The following MAPRE2 variants were observed in gnomAD, a reference collection of about 807,000 sequenced individuals.
MAPRE2 encodes microtubule-associated protein RP/EB family member 2.
Under a neutral mutation model 43.2 loss-of-function variants are expected in MAPRE2, and 13 were observed. The ratio of observed to expected loss-of-function variants is 0.30; its 90% CI spans 0.20 to 0.48. The LOEUF is 0.48. Ranked by LOEUF, MAPRE2 falls within the 20% of genes least tolerant of loss-of-function variation. The probability of loss-of-function intolerance (pLI) is 0.99; values close to 1 mark genes in which losing one functional copy is unlikely to be tolerated. For missense variants in MAPRE2, 161 were observed against 400.2 expected, an observed-to-expected ratio of 0.40 and a Z score of 5.10; for synonymous variants, 135 against 148.8, an observed-to-expected ratio of 0.91 and a Z score of 0.68.
intron 1 of MAPRE2, among the ~76,000 whole-genome samples, chr18:34,987,914 A>G (rs1166506254): frequency 6.6e-6 from 1 of 152,190 alleles, no homozygotes; most frequent in African/African-American, 2.4e-5. Context: ...AAGTGTTGGG[A>G]TTACAGGCAT....
chr18:35,022,168 T>C (rs1485139711), intron 2 of MAPRE2, among the ~76,000 whole-genome samples: 4 of 152,112 alleles, frequency 2.6e-5, no homozygotes, highest in African/African-American at 9.7e-5. Context: ...AAATAATTTC[T>C]AGATGAACTC....
intron 4 of MAPRE2, among the ~76,000 whole-genome samples, chr18:35,118,252 A>G (rs1909499731): frequency 6.6e-6 from 1 of 152,054 alleles, no homozygotes; most frequent in African/African-American, 2.4e-5. Flanking sequence ...CCTCACTCGT[A>G]TGCTCTCCCA....
intron 3 of MAPRE2, among the ~76,000 whole-genome samples, chr18:35,101,020 C>G (rs1056936441): frequency 6.6e-6 from 1 of 152,174 alleles, no homozygotes; most frequent in Admixed American, 6.5e-5. Flanking sequence ...TCCTGGGCGA[C>G]AAGAGTGAAA....
chr18:35,085,784 C>T (rs1409792830), intron 2 of MAPRE2, among the ~76,000 whole-genome samples: 1 of 152,194 alleles, frequency 6.6e-6, no homozygotes, highest in African/African-American at 2.4e-5. Flanking sequence ...CAGTCCAACA[C>T]TGACGTTTTG....
intron 4 of MAPRE2, among the ~76,000 whole-genome samples, chr18:35,104,184 G>A (rs879715539): frequency 3.3e-5 from 5 of 152,160 alleles, no homozygotes; most frequent in Admixed American, 3.3e-4. Flanking sequence ...GATGAAGCCT[G>A]AAAAATAGGC....
chr18:35,039,740 T>C (rs1196823267), upstream of MAPRE2, among the ~76,000 whole-genome samples: 1 of 152,252 alleles, frequency 6.6e-6, no homozygotes, highest in Non-Finnish European at 1.5e-5. Context: ...GTTTACTTGT[T>C]TTTAATATCT....
chr18:35,113,013 C>T (rs985962136), intron 4 of MAPRE2, among the ~76,000 whole-genome samples: 4 of 152,184 alleles, frequency 2.6e-5, no homozygotes, highest in Non-Finnish European at 4.4e-5. Context: ...GGGCATTGAT[C>T]TCATTCATGA....
chr18:35,030,686 C>T (rs542335714), intron 2 of MAPRE2, among the ~76,000 whole-genome samples: 2 of 152,108 alleles, frequency 1.3e-5, no homozygotes, highest in South Asian at 2.1e-4. Context: ...CCACTACTAA[C>T]ACTCCTGCAA....
At chr18:35,062,113 G>A (rs1219828632) in intron 1 of MAPRE2, among the ~76,000 whole-genome samples, 4 of 152,174 alleles carry the variant, frequency 2.6e-5, no homozygotes, top group Admixed American at 6.5e-5. Flanking sequence ...AAGGAGGCAC[G>A]CAGGCAGGAT....
rs146944425 is a variant in MAPRE2 at position 35,124,228 on chromosome 18, C to T, written c.611-2720C>T. On this transcript the variant is annotated intron_variant, in intron 4 of 6. Coordinates refer to ENST00000300249, the MANE Select transcript of MAPRE2 (RefSeq NM_014268.4). ...GGAAGCAAACATGTCCCTCTTCACA[C>T]GGCAGCAGGAAGGAGGAAGTGCCAA... 8.5e-4 allele frequency among the ~76,000 whole-genome samples: 130 copies of T among 152,142 alleles called. 1 individual carries two copies. Among genetic ancestry groups the T allele is most frequent in the African/African-American group, 2.9e-3 (120 of 41,484 alleles).
upstream of MAPRE2, among the ~76,000 whole-genome samples, chr18:35,038,851 TG>T (rs2097052025): frequency 6.6e-6 from 1 of 152,218 alleles, no homozygotes; most frequent in South Asian, 2.1e-4. Flanking sequence ...TGGAGTTCTG[TG>T]GGTCCCTTTA....
intron 3 of MAPRE2, among the ~76,000 whole-genome samples, chr18:35,098,348 A>G (rs1391981274): frequency 4.6e-5 from 7 of 152,196 alleles, no homozygotes; most frequent in Non-Finnish European, 1.0e-4. Flanking sequence ...AGCAGGGGAG[A>G]AATGGAAAAC....
chr18:35,051,212 T>C (rs958703878), intron 1 of MAPRE2, among the ~76,000 whole-genome samples: 1 of 152,216 alleles, frequency 6.6e-6, no homozygotes. Context: ...AGAGTAAACC[T>C]TCCCTTCGAC....
rs1350828747 is a variant in MAPRE2 at position 34,978,928 on chromosome 18, G to A, written c.-70+1849G>A. Reference sequence around the variant, plus strand: ...TCAGGTTGTTTGGGAGTGAGAAATAGGCACAGTATTTAAAAGCAAAAACAA... The same window carrying A: ...TCAGGTTGTTTGGGAGTGAGAAATAAGCACAGTATTTAAAAGCAAAAACAA... On this transcript the variant is annotated intron_variant, in intron 1 of 7. Transcript: ENST00000413393. Among the ~76,000 whole-genome samples, 5 of 152,284 alleles carry A rather than the reference G, an allele frequency of 3.3e-5. No individual in the cohort carries two copies. In the East Asian group the frequency reaches 7.7e-4, roughly 24 times the overall value.
At chr18:35,011,896 G>C (rs1270742993) in intron 2 of MAPRE2, among the ~76,000 whole-genome samples, 1 of 151,858 alleles carries the variant, frequency 6.6e-6, no homozygotes, top group East Asian at 1.9e-4. Flanking sequence ...TAAAGAAAGG[G>C]GGACAGGAAT....
chr18:35,021,163 C>A (rs1255347145), intron 2 of MAPRE2, among the ~76,000 whole-genome samples: 1 of 152,138 alleles, frequency 6.6e-6, no homozygotes, highest in Non-Finnish European at 1.5e-5. Context: ...AAGCTAGGGT[C>A]AAACTGTGCA....
intron 4 of MAPRE2, among the ~76,000 whole-genome samples, chr18:35,107,068 C>T (rs1908943313): frequency 6.6e-6 from 1 of 152,142 alleles, no homozygotes; most frequent in African/African-American, 2.4e-5. Context: ...GATTCACATA[C>T]ATTCATGTAT....
intron 4 of MAPRE2, among the ~76,000 whole-genome samples, chr18:35,113,339 A>T (rs500903): frequency 6.6e-6 from 1 of 152,080 alleles, no homozygotes; most frequent in Admixed American, 6.5e-5. Context: ...AGGAAGAGCC[A>T]TACATTTTTC....
At chr18:35,076,224 C>A (rs911665506) in intron 2 of MAPRE2, among the ~76,000 whole-genome samples, 1 of 152,136 alleles carries the variant, frequency 6.6e-6, no homozygotes, top group Non-Finnish European at 1.5e-5. Context: ...TTGGGCTAGG[C>A]CCTGGGGACC....
Sources: allele counts gnomAD v4.1 joint callset (sites outside exome capture counted in the v4.1 genomes callset), GRCh38; gene constraint gnomAD v4.1.1; transcripts MANE v1.5; gene names NCBI Gene and HGNC (gene_info 2026-07-23, HGNC 2026-07-21).